RBMS3: variants seen among roughly 807,000 people sequenced by gnomAD.
The protein encoded by RBMS3 is RNA binding motif single stranded interacting protein 3.
In RBMS3, 27 loss-of-function variants were observed where a neutral mutation model predicts 66.8. The ratio of observed to expected loss-of-function variants is 0.40; its 90% confidence interval spans 0.30 to 0.56. The LOEUF is 0.56. RBMS3 is among the 20% of genes least tolerant of loss of function. The probability of loss-of-function intolerance (pLI) is 0.40; values close to 1 mark genes in which losing one functional copy is unlikely to be tolerated. For missense variants in RBMS3, 513 were observed against 549.5 expected (o/e 0.93, Z 0.66); for synonymous variants, 188 against 183.0 (o/e 1.03, Z -0.22).
intron 4 of RBMS3, among the ~76,000 whole-genome samples, chr3:29,732,853 C>T (rs1375860975): frequency 3.9e-5 from 6 of 151,970 alleles, no homozygotes; most frequent in East Asian, 3.8e-4. Flanking sequence ...CACTGAATAA[C>T]GATATTTATA....
chr3:29,417,745 A>G (rs2040535906), intron 1 of RBMS3, among the ~76,000 whole-genome samples: 1 of 152,202 alleles, frequency 6.6e-6, no homozygotes, highest in Non-Finnish European at 1.5e-5. Flanking sequence ...TTCCATTTAG[A>G]GAAGTTTGAG....
At chr3:29,448,446 G>A (rs1377083149) in intron 2 of RBMS3, among the ~76,000 whole-genome samples, 2 of 152,176 alleles carry the variant, frequency 1.3e-5, no homozygotes, top group Non-Finnish European at 2.9e-5. Flanking sequence ...ACAGTTCTTT[G>A]TTCTCTGCCT....
intron 4 of RBMS3, among the ~76,000 whole-genome samples, chr3:29,622,597 G>C (rs77136079): frequency 6.6e-6 from 1 of 152,148 alleles, no homozygotes; most frequent in Non-Finnish European, 1.5e-5. Context: ...CTATATAGTG[G>C]TAGCATCTAT....
chr3:29,349,675 C>T (rs555488269), intron 1 of RBMS3, among the ~76,000 whole-genome samples: 2 of 152,322 alleles, frequency 1.3e-5, no homozygotes, highest in Admixed American at 1.3e-4. Flanking sequence ...CCTACTCTGA[C>T]ATTTTGCAAA....
At position 29,510,317 on chromosome 3, in the gene RBMS3, C is replaced by T. The variant is rs62236916; in HGVS notation, c.307+21818C>T. On this transcript the variant is annotated intron_variant, in intron 3 of 14. Coordinates refer to ENST00000383767, the MANE Select transcript of RBMS3 (RefSeq NM_001003793.3). ...AAGACCAGTCACTTTACTCTCCCAA[C>T]GCGCTATACTTATACCACCATTCAG... is the stretch of plus-strand genomic sequence containing the variant. Among the ~76,000 whole-genome samples the T allele has an allele frequency of 1.6e-4, 25 of 152,260 alleles. 1 individual carries two copies. Among genetic ancestry groups the T allele is most frequent in the Non-Finnish European group, 2.2e-4 (15 of 68,012 alleles).
At chr3:29,595,331 G>A (rs1374647407) in intron 4 of RBMS3, among the ~76,000 whole-genome samples, 1 of 151,108 alleles carries the variant, frequency 6.6e-6, no homozygotes, top group African/African-American at 2.4e-5. Flanking sequence ...CCCGGGAGGT[G>A]GAGGTTGCAG....
intron 6 of RBMS3, among the ~76,000 whole-genome samples, chr3:29,835,190 G>T (rs1334907815): frequency 6.6e-6 from 1 of 151,952 alleles, no homozygotes; most frequent in East Asian, 1.9e-4. Context: ...AATAATAGTA[G>T]GGAACTTCAA....
chr3:29,904,297 C>T (rs1307676301), intron 10 of RBMS3, among the ~76,000 whole-genome samples: 1 of 151,922 alleles, frequency 6.6e-6, no homozygotes, highest in East Asian at 1.9e-4. Context: ...TCCGGAAATA[C>T]ACATTGTAAA....
intron 1 of RBMS3, among the ~76,000 whole-genome samples, chr3:29,388,855 C>T (rs991502627): frequency 2.0e-5 from 3 of 152,076 alleles, no homozygotes; most frequent in Non-Finnish European, 2.9e-5. Flanking sequence ...TGAGTCACTG[C>T]GCCTGGCCCA....
At chr3:29,623,712 G>A (rs1341060795) in intron 4 of RBMS3, among the ~76,000 whole-genome samples, 1 of 151,992 alleles carries the variant, frequency 6.6e-6, no homozygotes, top group Non-Finnish European at 1.5e-5. Context: ...TATGAATTGT[G>A]CTGAAGAAAC....
intron 1 of RBMS3, among the ~76,000 whole-genome samples, chr3:29,362,433 C>T (rs895127853): frequency 6.6e-6 from 1 of 152,180 alleles, no homozygotes. Context: ...GAGTACCCGG[C>T]CTTGTGAGGT....
At chr3:29,633,387 G>T (rs2049354547) in intron 4 of RBMS3, among the ~76,000 whole-genome samples, 1 of 151,820 alleles carries the variant, frequency 6.6e-6, no homozygotes, top group Non-Finnish European at 1.5e-5. Context: ...AGCACCATGA[G>T]ATATAAGAGG....
chr3:29,696,338 C>G (rs1175528530), intron 4 of RBMS3, among the ~76,000 whole-genome samples: 1 of 152,138 alleles, frequency 6.6e-6, no homozygotes, highest in Non-Finnish European at 1.5e-5. Context: ...ATGCACTTAG[C>G]ATACAACATA....
chr3:29,359,913 T>G (rs1418320468), intron 1 of RBMS3, among the ~76,000 whole-genome samples: 2 of 152,206 alleles, frequency 1.3e-5, no homozygotes, highest in Non-Finnish European at 2.9e-5. Flanking sequence ...CATTTTTTCT[T>G]GCATCTATTT....
At chr3:29,659,991 C>G (rs534525425) in intron 4 of RBMS3, among the ~76,000 whole-genome samples, 58 of 152,252 alleles carry the variant, frequency 3.8e-4, no homozygotes, top group African/African-American at 1.3e-3. Flanking sequence ...TGTTAAGCGT[C>G]TTTAATTTCT....
At chr3:29,854,389 G>T (rs774852434) in intron 6 of RBMS3, among the ~76,000 whole-genome samples, 1 of 152,182 alleles carries the variant, frequency 6.6e-6, no homozygotes, top group South Asian at 2.1e-4. Flanking sequence ...AAAGGAAAGG[G>T]GTTCTTCCTC....
intron 6 of RBMS3, among the ~76,000 whole-genome samples, chr3:29,865,053 G>GC (rs368832072): frequency 2.0e-4 from 25 of 126,736 alleles, no homozygotes; most frequent in African/African-American, 6.6e-4. Flanking sequence ...AGGAGGGAAG[G>GC]AAGGAAGGAA....
chr3:29,449,042 G>C (rs903537204), intron 2 of RBMS3, among the ~76,000 whole-genome samples: 3 of 152,104 alleles, frequency 2.0e-5, no homozygotes, highest in African/African-American at 7.2e-5. Flanking sequence ...AGTCTTGGTG[G>C]ATGTAAGGAG....
intron 1 of RBMS3, among the ~76,000 whole-genome samples, chr3:29,366,729 TCCCTGTACAG>T (rs1449119996): frequency 6.6e-6 from 1 of 152,142 alleles, no homozygotes; most frequent in African/African-American, 2.4e-5. Flanking sequence ...GGCCAAGAGT[TCCCTGTACAG>T]CCCGAATAGC....
Sources: gnomAD v4.1 joint callset for allele counts (sites outside exome capture counted in the v4.1 genomes callset) on GRCh38, gnomAD v4.1.1 for gene constraint, MANE v1.5 for transcripts, NCBI Gene and HGNC (gene_info 2026-07-23, HGNC 2026-07-21) for gene names.